Variants in PRELID2 observed in about 807,000 individuals in gnomAD.
PRELID2 encodes the protein PRELI domain containing 2.
Under a neutral mutation model 28.4 loss-of-function variants are expected in PRELID2, and 25 were observed. The ratio of observed to expected loss-of-function variants is 0.88; its 90% CI spans 0.64 to 1.23. The LOEUF (loss-of-function observed/expected upper bound fraction) is 1.23. PRELID2 is among the 50% of genes most tolerant of loss of function. The pLI is 0.00. For missense variants in PRELID2, 201 were observed against 214.4 expected, an observed-to-expected ratio of 0.94 and a Z score of 0.39; for synonymous variants, 76 against 71.6, an observed-to-expected ratio of 1.06 and a Z score of -0.31.
At chr5:145,373,908 A>AATATATATGATATTATATATT in the PRELID2 span, among the ~76,000 whole-genome samples, 37 of 133,718 alleles carry the variant, frequency 2.8e-4, no homozygotes, top group African/African-American at 9.6e-4. Context: ...CAACATATAT[A>AATATATATGATATTATATATT]ATATATATGA....
intron 6 of PRELID2, among the ~76,000 whole-genome samples, 157 bp from the exon 7 acceptor site, chr5:145,760,682 C>T (rs1757432278): frequency 6.6e-6 from 1 of 152,128 alleles, no homozygotes; most frequent in Non-Finnish European, 1.5e-5. Context: ...TAATGATCTT[C>T]GAACAAGGCA....
At chr5:145,622,409 T>C (rs1286612295) in intron 1 of PRELID2, among the ~76,000 whole-genome samples, 1 of 152,152 alleles carries the variant, frequency 6.6e-6, no homozygotes, top group African/African-American at 2.4e-5. Context: ...TAACAGACTT[T>C]AGCAGTAACT....
chr5:145,352,280 C>T, the PRELID2 span, among the ~76,000 whole-genome samples: 2 of 152,238 alleles, frequency 1.3e-5, no homozygotes, highest in African/African-American at 2.4e-5. Context: ...CATTTCCATA[C>T]ATCCTCTGAA....
chr5:145,726,213 G>GACGA, intron 1 of PRELID2, among the ~76,000 whole-genome samples: 1 of 102,580 alleles, frequency 9.7e-6, no homozygotes, highest in Non-Finnish European at 1.7e-5. Context: ...GCGAAAGAGA[G>GACGA]AAGAAAGGAA....
chr5:145,654,937 T>A lies in PRELID2; in HGVS notation n.70+109994A>T, dbSNP rs570091764. The stretch of plus-strand genomic sequence containing the variant: ...GAGAAGGAAATAAAGGGTATTCAAT[T>A]AGGAAAAGAGGAAGTCAAATTGTCC... On this transcript the variant is annotated intron_variant and non_coding_transcript_variant, in intron 1 of 2. Transcript: ENST00000510259. 2.0e-5 allele frequency among the ~76,000 whole-genome samples: 3 copies of A among 152,166 alleles called. No individual in the cohort carries two copies. In the East Asian group the frequency reaches 5.8e-4, roughly 29 times the overall value.
At chr5:145,644,727 T>C (rs1013568801) in intron 1 of PRELID2, among the ~76,000 whole-genome samples, 2 of 152,222 alleles carry the variant, frequency 1.3e-5, no homozygotes, top group Admixed American at 1.3e-4. Context: ...TTTGTTCTTA[T>C]TGGTTTCAAA....
chr5:145,274,236 T>C, the PRELID2 span, among the ~76,000 whole-genome samples: 3 of 152,170 alleles, frequency 2.0e-5, no homozygotes, highest in Admixed American at 6.6e-5. Context: ...GTTACGACAA[T>C]AGAATGGTGT....
At chr5:145,608,831 T>C (rs1363011335) in intron 1 of PRELID2, among the ~76,000 whole-genome samples, 1 of 152,258 alleles carries the variant, frequency 6.6e-6, no homozygotes, top group Non-Finnish European at 1.5e-5. Flanking sequence ...TCCTGAAATA[T>C]GTTTTTCAAA....
chr5:145,810,656 T>C (rs2149843034), intron 4 of PRELID2, among the ~76,000 whole-genome samples: 1 of 152,314 alleles, frequency 6.6e-6, no homozygotes, highest in South Asian at 2.1e-4. Flanking sequence ...TCAAAAGTTA[T>C]CAGAATTTTT....
chr5:145,812,390 C>T lies in PRELID2; in HGVS notation c.368+5504G>A, dbSNP rs116116991. Among the ~76,000 whole-genome samples, 721 of 152,332 alleles carry T rather than the reference C, an allele frequency of 4.7e-3. 8 individuals carry two copies. The highest frequency in any genetic ancestry group is 0.015 in the African/African-American group (611 of 41,564). ...AGAGGAAGGGCAGTGTCACTGCCAACCGCTCAGATTCTAAAGCTAATCAGC... is the reference window on the plus strand; with the variant it reads ...AGAGGAAGGGCAGTGTCACTGCCAATCGCTCAGATTCTAAAGCTAATCAGC... On this transcript the variant is annotated intron_variant, in intron 4 of 6. Transcript: ENST00000683046.
chr5:145,759,148 GC>G lies in PRELID2; in HGVS notation c.*1387del, dbSNP rs1739391710. The G allele has an allele frequency of 6.6e-6, 1 of 151,942 alleles. No homozygotes were observed. Among genetic ancestry groups the G allele is most frequent in the Non-Finnish European group, 1.5e-5 (1 of 68,042 alleles). 9.4% of individuals were successfully genotyped at this position (151,942 alleles called of 1,614,324 possible). A position where few individuals can be genotyped will look rare whatever the true frequency, so the allele number is the denominator to read the frequency against. ...CCCAAGTAGCTAGGATTACAGGCAT[GC>G]GCCACCACGCCCAGCTAATTTTTTT... On this transcript the variant is annotated 3_prime_UTR_variant, in exon 7 of 7. Transcript: ENST00000683046.
At chr5:145,742,173 ATT>A (rs1288143066) in intron 1 of PRELID2, among the ~76,000 whole-genome samples, 3 of 114,166 alleles carry the variant, frequency 2.6e-5, no homozygotes, top group South Asian at 2.7e-4. Context: ...TTATTTATTA[ATT>A]ATAAATTTAT....
chr5:145,637,391 CCT>C (rs1279497091), intron 1 of PRELID2, among the ~76,000 whole-genome samples: 4 of 152,148 alleles, frequency 2.6e-5, no homozygotes, highest in Non-Finnish European at 5.9e-5. Flanking sequence ...AACACAGGTA[CCT>C]CTGACTCTAG....
chr5:145,745,991 G>C (rs796426519), intron 1 of PRELID2, among the ~76,000 whole-genome samples: 3 of 152,162 alleles, frequency 2.0e-5, no homozygotes, highest in Non-Finnish European at 1.5e-5. Context: ...CACCAGGCCT[G>C]CCTTGCAAGA....
At chr5:145,592,840 A>G (rs764224106) in intron 1 of PRELID2, among the ~76,000 whole-genome samples, 3 of 152,220 alleles carry the variant, frequency 2.0e-5, no homozygotes, top group Non-Finnish European at 4.4e-5. Context: ...CTAACTATGT[A>G]ATGACAGAGA....
chr5:145,418,325 G>A, the PRELID2 span, among the ~76,000 whole-genome samples: 1 of 151,994 alleles, frequency 6.6e-6, no homozygotes, highest in African/African-American at 2.4e-5. Context: ...AAAGTAATTT[G>A]TAGCTTCAAT....
intron 1 of PRELID2, among the ~76,000 whole-genome samples, chr5:145,661,039 C>G (rs1408582998): frequency 6.6e-6 from 1 of 152,126 alleles, no homozygotes; most frequent in African/African-American, 2.4e-5. Context: ...TCACCTAATT[C>G]AAGATTGCCT....
At chr5:145,236,578 T>A in the PRELID2 span, among the ~76,000 whole-genome samples, 5 of 152,164 alleles carry the variant, frequency 3.3e-5, no homozygotes, top group East Asian at 9.6e-4. Context: ...ATAATGTTCA[T>A]CACAAGCTTA....
chr5:145,735,803 T>G lies in PRELID2; in HGVS notation n.70+29128A>C, dbSNP rs1756479702. Among the ~76,000 whole-genome samples, 3 of 152,176 alleles carry G rather than the reference T, an allele frequency of 2.0e-5. 1 individual carries two copies. In the South Asian group the frequency reaches 6.2e-4, roughly 31 times the overall value. On this transcript the variant is annotated intron_variant and non_coding_transcript_variant, in intron 1 of 2. Transcript: ENST00000510259. ...TTAAATGAGATAAGGCATGTGGAAG[T>G]GCTTAATCAACTAAAGCACCCTCTA...
Sources: gnomAD v4.1 joint callset for allele counts (sites outside exome capture counted in the v4.1 genomes callset) on GRCh38, gnomAD v4.1.1 for gene constraint, MANE v1.5 for transcripts, NCBI Gene and HGNC (gene_info 2026-07-23, HGNC 2026-07-21) for gene names.